Variants in NOS1AP observed in about 807,000 individuals in gnomAD.
NOS1AP encodes carboxyl-terminal PDZ ligand of neuronal nitric oxide synthase protein.
A neutral mutation model predicts 56.2 loss-of-function variants in NOS1AP; 21 were observed. The observed-to-expected ratio is 0.37, with a 90% CI of 0.26 to 0.54. NOS1AP has a LOEUF of 0.54. Among genes scored for constraint, NOS1AP ranks in the 20% least tolerant of loss-of-function variants. The pLI is 0.84. For missense variants in NOS1AP, 522 were observed against 657.8 expected, an observed-to-expected ratio of 0.79 and a Z score of 2.26; for synonymous variants, 270 against 274.6, an observed-to-expected ratio of 0.98 and a Z score of 0.17.
At chr1:162,237,249 T>C (rs981819968) in intron 2 of NOS1AP, among the ~76,000 whole-genome samples, 5 of 152,242 alleles carry the variant, frequency 3.3e-5, no homozygotes, top group African/African-American at 1.2e-4. Context: ...GGCCAAAGAC[T>C]GTGCTGGTGG....
intron 1 of NOS1AP, among the ~76,000 whole-genome samples, chr1:162,096,528 C>T (rs1484339921): frequency 3.9e-5 from 6 of 152,140 alleles, no homozygotes; most frequent in African/African-American, 9.7e-5. Flanking sequence ...CCCCTGGATA[C>T]TCCTCCTTGA....
chr1:162,136,890 G>T (rs940543219), intron 1 of NOS1AP, among the ~76,000 whole-genome samples: 1 of 152,196 alleles, frequency 6.6e-6, no homozygotes, highest in Non-Finnish European at 1.5e-5. Context: ...TTAGAAAGAG[G>T]TGTAATACAT....
At chr1:162,290,292 G>A (rs111760778) in intron 3 of NOS1AP, among the ~76,000 whole-genome samples, 3,431 of 152,280 alleles carry the variant, frequency 0.023, 137 homozygotes, top group African/African-American at 0.078. Flanking sequence ...CCAGGGCCGT[G>A]GCTGTGATTT....
chr1:162,238,747 A>G (rs1361430155), intron 2 of NOS1AP, among the ~76,000 whole-genome samples: 1 of 152,208 alleles, frequency 6.6e-6, no homozygotes, highest in East Asian at 1.9e-4. Flanking sequence ...TAAAAGTAGA[A>G]TGTTTTGAAA....
At chr1:162,338,919 T>C (rs1310085285) in intron 5 of NOS1AP, among the ~76,000 whole-genome samples, 2 of 152,214 alleles carry the variant, frequency 1.3e-5, no homozygotes, top group Non-Finnish European at 2.9e-5. Flanking sequence ...CTGCTAGGTA[T>C]GAAGTTGATA....
rs1215373620 is a variant in NOS1AP at position 162,367,400 on chromosome 1, C to T, written c.1454C>T (p.Pro485Leu). 2 of 1,599,352 alleles carry T rather than the reference C, an allele frequency of 1.3e-6. No homozygotes were observed. Among genetic ancestry groups the T allele is most frequent in the African/African-American group, 1.3e-5 (1 of 74,796 alleles). ...ERDSWSQEEL[P>L]RLLNVLQRQE... is the part of the protein sequence containing the mutation. ...GACTCGTGGTCCCAGGAGGAGCTGC[C>T]GCGCCTGCTGAATGTCCTGCAGAGG... Residue 485 changes from proline (P) to leucine (L), a missense_variant, in exon 10 of 10, where the codon CCG (proline) becomes CTG (leucine). Physicochemically the swap from Pro to Leu is moderately conservative, Grantham distance 98 (BLOSUM62 -3). Coordinates refer to ENST00000361897, the MANE Select transcript of NOS1AP (RefSeq NM_014697.3). This position sits in a 1 kb window ranked among gnomAD's most constrained non-coding sequence, Gnocchi z 6.5.
At position 162,106,520 on chromosome 1, in the gene NOS1AP, T is replaced by C. The variant is rs577411585; in HGVS notation, c.105+36238T>C. Among the ~76,000 whole-genome samples the C allele has an allele frequency of 2.7e-4, 41 of 152,348 alleles. No homozygotes were observed. In the East Asian group the frequency reaches 2.9e-3, roughly 11 times the overall value. On this transcript the variant is annotated intron_variant, in intron 1 of 9. Coordinates refer to ENST00000361897, the MANE Select transcript of NOS1AP (RefSeq NM_014697.3). ...CTTTTCACTACTAGATCACCTTAAA[T>C]GTTTCTCATCTTCTCTATTCCAGAT...
chr1:162,104,694 C>T (rs1647429970), intron 1 of NOS1AP, among the ~76,000 whole-genome samples: 1 of 152,106 alleles, frequency 6.6e-6, no homozygotes, highest in African/African-American at 2.4e-5. Flanking sequence ...TTGGTCTATT[C>T]TGCTACTGAT....
chr1:162,345,355 G>A (rs1340374531), intron 6 of NOS1AP, among the ~76,000 whole-genome samples: 1 of 130,710 alleles, frequency 7.7e-6, no homozygotes, highest in African/African-American at 3.0e-5. Context: ...CCCTTCCTGT[G>A]TCCATGTGAT....
intron 2 of NOS1AP, among the ~76,000 whole-genome samples, chr1:162,276,421 C>G (rs1459171225): frequency 1.3e-5 from 2 of 151,850 alleles, no homozygotes; most frequent in Non-Finnish European, 2.9e-5. Context: ...TCAGGAGTGA[C>G]TTGATGACCA....
chr1:162,303,380 G>A (rs1314769339), intron 4 of NOS1AP, among the ~76,000 whole-genome samples: 3 of 152,154 alleles, frequency 2.0e-5, no homozygotes, highest in African/African-American at 7.2e-5. Context: ...CTTCAAATAT[G>A]TGTTTATTAA....
At position 162,253,737 on chromosome 1, in the gene NOS1AP, G is replaced by A. The variant is rs1208373965; in HGVS notation, c.178-33607G>A. On this transcript the variant is annotated intron_variant, in intron 2 of 9. Transcript: ENST00000361897. Reference sequence around the variant, plus strand: ...GAGAAATGCAGTTTTTTCAACATAAGCAGACTTATCTTCTGGGTTTTTTTT... The same window carrying A: ...GAGAAATGCAGTTTTTTCAACATAAACAGACTTATCTTCTGGGTTTTTTTT... 2.0e-5 allele frequency among the ~76,000 whole-genome samples: 3 copies of A among 152,118 alleles called. No individual in the cohort carries two copies. The East Asian group carries it at 5.8e-4, about 29-fold the overall frequency.
intron 1 of NOS1AP, among the ~76,000 whole-genome samples, chr1:162,103,040 A>C (rs1647363201): frequency 6.6e-6 from 1 of 151,980 alleles, no homozygotes; most frequent in Non-Finnish European, 1.5e-5. Context: ...TGTTAACTTG[A>C]GATCTTTTTA....
intron 4 of NOS1AP, among the ~76,000 whole-genome samples, chr1:162,324,548 G>A (rs1233885902): frequency 6.6e-6 from 1 of 151,622 alleles, no homozygotes; most frequent in Non-Finnish European, 1.5e-5. Flanking sequence ...TAAAGCAGGG[G>A]AGGTTTTAGT....
chr1:162,304,690 C>G (rs1022768107), intron 4 of NOS1AP, among the ~76,000 whole-genome samples: 2 of 151,726 alleles, frequency 1.3e-5, no homozygotes, highest in Non-Finnish European at 2.9e-5. Context: ...AAGAAATAAA[C>G]TTTAGTCCCT....
At chr1:162,300,569 A>G (rs1655616583) in intron 3 of NOS1AP, 64 bp from the exon 4 acceptor site, 1 of 1,380,836 alleles carries the variant, frequency 7.2e-7, no homozygotes, top group Non-Finnish European at 1.0e-6. Flanking sequence ...TTGCATAAGT[A>G]TGCATAGCTC....
At chr1:162,318,896 G>A (rs1229313819) in intron 4 of NOS1AP, among the ~76,000 whole-genome samples, 1 of 151,918 alleles carries the variant, frequency 6.6e-6, no homozygotes, top group Non-Finnish European at 1.5e-5. Context: ...TTAATGTTTA[G>A]TCCATCTGCC....
intron 3 of NOS1AP, among the ~76,000 whole-genome samples, chr1:162,292,902 C>T (rs1655325003): frequency 6.6e-6 from 1 of 152,166 alleles, no homozygotes. Context: ...TTAGATGTGG[C>T]AACAGGATAA....
In NOS1AP at chr1:162,262,138, T is replaced by C. The variant is rs1654259660; in HGVS notation, c.178-25206T>C. ...TTTGTTTTAGGGAAGTAGATGAAGG[T>C]CCATGATGGGAGTCTGACACCCGTT... On this transcript the variant is annotated intron_variant, in intron 2 of 9. Coordinates refer to ENST00000361897, the MANE Select transcript of NOS1AP (RefSeq NM_014697.3). Among the ~76,000 whole-genome samples, 3 of 152,298 alleles carry C rather than the reference T, an allele frequency of 2.0e-5. No individual in the cohort carries two copies. In the South Asian group the frequency reaches 6.2e-4, roughly 32 times the overall value.
Sources: gnomAD v4.1 joint callset for allele counts (sites outside exome capture counted in the v4.1 genomes callset) on GRCh38, gnomAD v4.1.1 for gene constraint, Gnocchi (gnomAD v3.1) non-coding constraint, MANE v1.5 for transcripts, NCBI Gene and HGNC (gene_info 2026-07-23, HGNC 2026-07-21) for gene names.